Variants in CBR4 observed in about 807,000 individuals in gnomAD.
CBR4 encodes 3-oxoacyl-[acyl-carrier-protein] reductase.
CBR4 carries 22 observed loss-of-function variants against 21.0 expected under a neutral mutation model. The observed-to-expected ratio is 1.05, with a 90% CI of 0.75 to 1.50. The LOEUF is 1.50. Among genes scored for constraint, CBR4 ranks in the 40% most tolerant of loss-of-function variants. CBR4 has a pLI of 0.00. For missense variants in CBR4, 302 were observed against 286.3 expected, an observed-to-expected ratio of 1.05 and a Z score of -0.40; for synonymous variants, 100 against 104.4, an observed-to-expected ratio of 0.96 and a Z score of 0.26.
chr4:168,975,176 T>A (rs1259414129), intron 2 of CBR4, among the ~76,000 whole-genome samples: 1 of 152,164 alleles, frequency 6.6e-6, no homozygotes, highest in Admixed American at 6.5e-5. Context: ...TTACTGCCCT[T>A]CTGGGTCTAG....
At chr4:168,927,520 T>G (rs1762712866) in intron 2 of CBR4, 2 of 231,638 alleles carry the variant, frequency 8.6e-6, no homozygotes, top group Admixed American at 5.6e-5. Flanking sequence ...AAATGAGAAA[T>G]TGCCTGTAGC....
At chr4:168,974,063 G>A (rs145540214) in intron 2 of CBR4, among the ~76,000 whole-genome samples, 1 of 152,108 alleles carries the variant, frequency 6.6e-6, no homozygotes, top group South Asian at 2.1e-4. Context: ...TGTATTTCAA[G>A]ATTTTCTTTC....
chr4:168,990,394 AAAT>A (rs748338092), intron 4 of CBR4, 66 bp from the exon 5 acceptor site: 20 of 1,316,182 alleles, frequency 1.5e-5, no homozygotes, highest in Non-Finnish European at 1.8e-5. Flanking sequence ...ATTTCAAAAA[AAAT>A]AATAAATTTG....
intron 2 of CBR4, among the ~76,000 whole-genome samples, chr4:168,896,391 A>G (rs1299354996): frequency 6.6e-6 from 1 of 152,228 alleles, no homozygotes; most frequent in Admixed American, 6.5e-5. Context: ...TCCTGTACCA[A>G]AAGTGAGAAG....
intron 2 of CBR4, among the ~76,000 whole-genome samples, chr4:168,949,133 GA>G (rs1390137643): frequency 1.1e-4 from 16 of 152,062 alleles, no homozygotes; most frequent in African/African-American, 3.9e-4. Flanking sequence ...AGCTATTGTA[GA>G]AGGGGTTGAG....
intron 2 of CBR4, among the ~76,000 whole-genome samples, chr4:168,899,045 GCTGGTGAGTGGCCAGGCCTGCATA>G (rs1252577880): frequency 6.6e-6 from 1 of 152,140 alleles, no homozygotes; most frequent in African/African-American, 2.4e-5. Context: ...AGGTCAGAGA[GCTGGTGAGTGGCCAGGCCTGCATA>G]TGAACCCAGT....
intron 2 of CBR4, among the ~76,000 whole-genome samples, chr4:168,919,022 AT>A (rs1760847141): frequency 6.6e-6 from 1 of 152,172 alleles, no homozygotes; most frequent in Admixed American, 6.5e-5. Flanking sequence ...AATATAAAAA[AT>A]AAGAGAGTGA....
intron 2 of CBR4, among the ~76,000 whole-genome samples, chr4:168,912,091 T>C (rs562010343): frequency 6.6e-6 from 1 of 152,166 alleles, no homozygotes; most frequent in East Asian, 1.9e-4. Flanking sequence ...TGCTATGGGA[T>C]TTTTCTCTGC....
chr4:168,959,518 G>A (rs11735730), intron 2 of CBR4, among the ~76,000 whole-genome samples: 79,216 of 148,338 alleles, frequency 0.53, 24,478 homozygotes, highest in East Asian at 0.88. Flanking sequence ...GCTAATCTCG[G>A]TGGTTTACAT....
intron 2 of CBR4, among the ~76,000 whole-genome samples, chr4:168,963,162 T>C (rs1763913598): frequency 6.6e-6 from 1 of 152,194 alleles, no homozygotes. Flanking sequence ...TCAGAAAGAT[T>C]TGGATGGTCA....
chr4:168,924,224 T>C (rs780252063), intron 2 of CBR4: 20 of 1,595,410 alleles, frequency 1.3e-5, no homozygotes, highest in Non-Finnish European at 1.3e-5. Flanking sequence ...TTGTATATCA[T>C]TGATAGAGAA....
At chr4:168,987,521 G>T, downstream of CBR4, 1 of 445,290 alleles carries the variant, frequency 2.2e-6, no homozygotes, top group Non-Finnish European at 3.0e-6. Flanking sequence ...TTTTACAATT[G>T]AATTGAAAGA....
At chr4:168,908,598 G>A (rs1758295879) in intron 2 of CBR4, among the ~76,000 whole-genome samples, 1 of 152,090 alleles carries the variant, frequency 6.6e-6, no homozygotes, top group Admixed American at 6.5e-5. Context: ...CTTCCTTAAT[G>A]CCCTTTAGTT....
chr4:168,926,439 A>T, intron 2 of CBR4: 2 of 1,283,742 alleles, frequency 1.6e-6, no homozygotes, highest in South Asian at 2.6e-5. Context: ...CTTGACCAAC[A>T]TATTCCTTTG....
At position 168,903,844 on chromosome 4, in the gene CBR4, C is replaced by T. The variant is rs1442201012; in HGVS notation, n.170-9079G>A. The T allele has an allele frequency of 6.2e-7, 1 of 1,613,526 alleles. No individual in the cohort carries two copies. The highest frequency in any genetic ancestry group is 8.5e-7 in the Non-Finnish European group (1 of 1,179,566). On this transcript the variant is annotated intron_variant and non_coding_transcript_variant, in intron 2 of 3. Transcript: ENST00000509108. ...AGATCTCGATGGGACCTGCTCCCTCCATACCACAGCCTCCACCCTAGATGA... is the reference window on the plus strand; with the variant it reads ...AGATCTCGATGGGACCTGCTCCCTCTATACCACAGCCTCCACCCTAGATGA...
chr4:169,008,933 TA>T, intron 1 of CBR4: 1 of 453,416 alleles, frequency 2.2e-6, no homozygotes, highest in African/African-American at 2.0e-5. Flanking sequence ...AATGTTAACT[TA>T]AAAATGAACA....
At chr4:169,009,001 T>C (rs1264768720) in intron 1 of CBR4, 1 of 448,604 alleles carries the variant, frequency 2.2e-6, no homozygotes, top group Non-Finnish European at 4.4e-6. Context: ...AGAAGATCTC[T>C]AGAGCCAGTA....
chr4:169,005,658 A>G (rs1730851675), intron 3 of CBR4, among the ~76,000 whole-genome samples: 1 of 152,208 alleles, frequency 6.6e-6, no homozygotes, highest in South Asian at 2.1e-4. Flanking sequence ...GTAAGTATCC[A>G]AAGTCCTTAT....
chr4:168,983,092 G>A, downstream of CBR4, among the ~76,000 whole-genome samples: 1 of 151,980 alleles, frequency 6.6e-6, no homozygotes. Flanking sequence ...TGAAATAGAT[G>A]AGAAAAACCA....
Sources: gnomAD v4.1 joint callset for allele counts (sites outside exome capture counted in the v4.1 genomes callset) on GRCh38, gnomAD v4.1.1 for gene constraint, MANE v1.5 for transcripts, NCBI Gene and HGNC (gene_info 2026-07-23, HGNC 2026-07-21) for gene names.